The following MIR2052HG variants were observed in gnomAD, a reference collection of about 807,000 sequenced individuals.
MIR2052HG encodes MIR2052 host gene.
chr8:74,732,862 G>A (rs1191537112), intron 4 of MIR2052HG, among the ~76,000 whole-genome samples: 1 of 152,098 alleles, frequency 6.6e-6, no homozygotes, highest in Non-Finnish European at 1.5e-5. Context: ...GGCAGAAATG[G>A]GGTTGAGGAG....
chr8:74,675,155 T>C (rs1357126441), intron 2 of MIR2052HG, among the ~76,000 whole-genome samples: 1 of 152,036 alleles, frequency 6.6e-6, no homozygotes, highest in Non-Finnish European at 1.5e-5. Context: ...AAAGGACTTA[T>C]GTTTTAGTTT....
chr8:74,683,002 A>G (rs956418055), intron 2 of MIR2052HG, among the ~76,000 whole-genome samples: 4 of 152,272 alleles, frequency 2.6e-5, no homozygotes, highest in South Asian at 2.1e-4. Flanking sequence ...ATACAGTATG[A>G]TATCACTTTT....
At chr8:74,750,258 A>G (rs1809930480) in intron 4 of MIR2052HG, among the ~76,000 whole-genome samples, 1 of 152,216 alleles carries the variant, frequency 6.6e-6, no homozygotes, top group South Asian at 2.1e-4. Flanking sequence ...CTAAGTGAAA[A>G]ATCAAGACCA....
rs192866676 is a variant in MIR2052HG, at chr8:74,632,476, A to G, written n.216+19536A>G. ...TCTCATCAGCTCATTTATTTTCCAA[A>G]TCTTCTCTGAGGTGCTGTTATCTTA... On this transcript the variant is annotated intron_variant and non_coding_transcript_variant, in intron 2 of 6. Coordinates refer to ENST00000523442, the Ensembl canonical transcript of MIR2052HG. The G allele has an allele frequency of 7.9e-5, 12 of 152,062 alleles. 1 individual carries two copies. The highest frequency in any genetic ancestry group is 2.2e-4 in the African/African-American group (9 of 41,472). 9.4% of individuals were successfully genotyped at this position (152,062 alleles called of 1,614,324 possible).
At chr8:74,624,580 T>G (rs750493557) in intron 2 of MIR2052HG, among the ~76,000 whole-genome samples, 1 of 152,244 alleles carries the variant, frequency 6.6e-6, no homozygotes, top group African/African-American at 2.4e-5. Flanking sequence ...TTCTGGAGTT[T>G]GCATACTTGC....
chr8:74,738,558 G>T (rs1809794693), intron 4 of MIR2052HG, among the ~76,000 whole-genome samples: 1 of 152,052 alleles, frequency 6.6e-6, no homozygotes, highest in Admixed American at 6.6e-5. Flanking sequence ...AGCCATTTTG[G>T]TAGAAGGAAC....
At chr8:74,684,405 G>C (rs1409349784) in intron 2 of MIR2052HG, among the ~76,000 whole-genome samples, 1 of 151,956 alleles carries the variant, frequency 6.6e-6, no homozygotes, top group Non-Finnish European at 1.5e-5. Flanking sequence ...CGTTCCGTTC[G>C]CTAAATCAAG....
chr8:74,640,903 C>G (rs1286203427), intron 2 of MIR2052HG, among the ~76,000 whole-genome samples: 5 of 152,140 alleles, frequency 3.3e-5, no homozygotes, highest in Admixed American at 6.5e-5. Flanking sequence ...GACTGCCTGC[C>G]CTGCTTGTTT....
intron 4 of MIR2052HG, among the ~76,000 whole-genome samples, chr8:74,740,267 C>A (rs1162614187): frequency 6.6e-6 from 1 of 152,118 alleles, no homozygotes; most frequent in African/African-American, 2.4e-5. Flanking sequence ...AGTTCGAGAC[C>A]AGCCTGGCCA....
At chr8:74,676,331 T>C (rs1322045359) in intron 2 of MIR2052HG, among the ~76,000 whole-genome samples, 5 of 152,026 alleles carry the variant, frequency 3.3e-5, no homozygotes, top group African/African-American at 1.2e-4. Flanking sequence ...ACTGAAATAC[T>C]GGACAGAATT....
At chr8:74,665,577 T>A (rs6472870) in intron 2 of MIR2052HG, among the ~76,000 whole-genome samples, 2 of 152,142 alleles carry the variant, frequency 1.3e-5, no homozygotes, top group African/African-American at 2.4e-5. Flanking sequence ...TTTGCTGTCA[T>A]TAATCACTCT....
intron 2 of MIR2052HG, among the ~76,000 whole-genome samples, chr8:74,619,119 T>C (rs1377498348): frequency 6.6e-6 from 1 of 152,136 alleles, no homozygotes; most frequent in Non-Finnish European, 1.5e-5. Flanking sequence ...TTGCAAGAAA[T>C]TGAAGAAGAC....
chr8:74,713,584 C>T (rs572863951), intron 4 of MIR2052HG, among the ~76,000 whole-genome samples: 1 of 152,012 alleles, frequency 6.6e-6, no homozygotes, highest in Non-Finnish European at 1.5e-5. Context: ...CTACTGATGC[C>T]ATTTCACAAG....
chr8:74,615,649 T>C (rs1230106794), intron 2 of MIR2052HG, among the ~76,000 whole-genome samples: 1 of 152,068 alleles, frequency 6.6e-6, no homozygotes, highest in Non-Finnish European at 1.5e-5. Context: ...CTAGGGTACA[T>C]GTGCACAACA....
At chr8:74,738,284 C>T (rs1809792174) in intron 4 of MIR2052HG, among the ~76,000 whole-genome samples, 1 of 152,116 alleles carries the variant, frequency 6.6e-6, no homozygotes, top group Non-Finnish European at 1.5e-5. Flanking sequence ...GGCAAGAATA[C>T]TGTTCATCAA....
chr8:74,604,189 A>G, intron 1 of MIR2052HG: 2 of 893,500 alleles, frequency 2.2e-6, no homozygotes, highest in Non-Finnish European at 3.8e-6. Context: ...TCCATGCATA[A>G]GTAGTCGGAT....
At chr8:74,619,259 TA>T (rs35166261) in intron 2 of MIR2052HG, among the ~76,000 whole-genome samples, 72,396 of 151,484 alleles carry the variant, frequency 0.48, 18,367 homozygotes, top group Middle Eastern at 0.66. Context: ...TTTAAAGAAA[TA>T]AAAAAAAATT....
At chr8:74,714,777 T>C (rs1410184609) in intron 4 of MIR2052HG, among the ~76,000 whole-genome samples, 1 of 149,064 alleles carries the variant, frequency 6.7e-6, no homozygotes, top group African/African-American at 2.5e-5. Flanking sequence ...CAATCTCGGC[T>C]CGCTGCAACC....
At chr8:74,634,880 A>G (rs556664892) in intron 2 of MIR2052HG, among the ~76,000 whole-genome samples, 7 of 152,214 alleles carry the variant, frequency 4.6e-5, no homozygotes, top group South Asian at 4.1e-4. Context: ...TGATTGATTA[A>G]TTGATCCACT....
Sources: allele counts gnomAD v4.1 joint callset (sites outside exome capture counted in the v4.1 genomes callset), GRCh38; gene constraint gnomAD v4.1.1; transcripts MANE v1.5; gene names NCBI Gene and HGNC (gene_info 2026-07-23, HGNC 2026-07-21).